The following SLCO5A1 variants were observed in gnomAD, a reference collection of about 807,000 sequenced individuals.
SLCO5A1 encodes organic anion transporter polypeptide-related protein 4.
A neutral mutation model predicts 65.1 loss-of-function variants in SLCO5A1; 39 were observed. The ratio of observed to expected loss-of-function variants is 0.60; its 90% CI spans 0.46 to 0.78. The LOEUF (loss-of-function observed/expected upper bound fraction) is 0.78. Ranked by LOEUF, SLCO5A1 falls within the 30% of genes least tolerant of loss-of-function variation. SLCO5A1 has a pLI of 0.00. For missense variants in SLCO5A1, 1,029 were observed against 1,069.4 expected (o/e 0.96, Z 0.53); for synonymous variants, 438 against 415.7 (o/e 1.05, Z -0.65).
At chr8:69,708,609 A>G (rs1423355808) in intron 5 of SLCO5A1, among the ~76,000 whole-genome samples, 1 of 152,032 alleles carries the variant, frequency 6.6e-6, no homozygotes, top group African/African-American at 2.4e-5. Flanking sequence ...GTGCCATAGA[A>G]AACCAAGGAG....
chr8:69,719,330 C>G (rs1815708924), intron 5 of SLCO5A1, among the ~76,000 whole-genome samples: 1 of 152,154 alleles, frequency 6.6e-6, no homozygotes, highest in Admixed American at 6.5e-5. Flanking sequence ...ATAAGTTTTA[C>G]AAGCGCAAAC....
chr8:69,685,409 C>G (rs963950705), intron 6 of SLCO5A1, among the ~76,000 whole-genome samples: 1 of 152,174 alleles, frequency 6.6e-6, no homozygotes, highest in Middle Eastern at 3.2e-3. Context: ...TGCCCTCATC[C>G]TTGTGCAAAA....
At chr8:69,711,516 G>A (rs528756197) in intron 5 of SLCO5A1, among the ~76,000 whole-genome samples, 13 of 152,332 alleles carry the variant, frequency 8.5e-5, no homozygotes, top group African/African-American at 3.1e-4. Context: ...GGCAAGGGGG[G>A]CAGAGCGTGG....
chr8:69,730,712 C>A (rs930164302), intron 5 of SLCO5A1, among the ~76,000 whole-genome samples: 1 of 152,162 alleles, frequency 6.6e-6, no homozygotes, highest in African/African-American at 2.4e-5. Flanking sequence ...ACCAGCTTGT[C>A]AGCATTGTTT....
intron 2 of SLCO5A1, among the ~76,000 whole-genome samples, chr8:69,773,727 AT>A (rs1431764555): frequency 6.6e-6 from 1 of 152,192 alleles, no homozygotes; most frequent in African/African-American, 2.4e-5. Context: ...CACAGTCCTG[AT>A]AGCCTGTCAT....
chr8:69,832,782 G>T lies in SLCO5A1; in HGVS notation c.-109C>A, dbSNP rs1821230955. 3.8e-6 allele frequency: 5 copies of T among 1,330,502 alleles called. No individual in the cohort carries two copies. The highest frequency in any genetic ancestry group is 5.0e-5 in the East Asian group (2 of 40,144). 82.4% of individuals were successfully genotyped at this position (1,330,502 alleles called of 1,614,324 possible). ...GGCCCAGTCAGTCTTGCCCACCTGG[G>T]ACTGGGGCTGGGGGCGCAGGGCCGC... is the stretch of plus-strand genomic sequence containing the variant. On this transcript the variant is annotated 5_prime_UTR_variant, in exon 2 of 10. Transcript: ENST00000260126. This position sits in a 1 kb window ranked among gnomAD's most constrained non-coding sequence, Gnocchi z 4.5.
At position 69,832,688 on chromosome 8, in the gene SLCO5A1, A is replaced by C. The variant is rs1291293995; in HGVS notation, c.-15T>G. 1 of 1,576,748 alleles carries C rather than the reference A, an allele frequency of 6.3e-7. No individual in the cohort carries two copies. The highest frequency in any genetic ancestry group is 2.2e-5 in the East Asian group (1 of 44,738). On this transcript the variant is annotated 5_prime_UTR_variant, in exon 2 of 10. Transcript: ENST00000260126. This position sits in a 1 kb window ranked among gnomAD's most constrained non-coding sequence, Gnocchi z 4.5. ...CCTTCGTCCATGGCGCTTAGAATTC[A>C]GATTTGATAGCTGATGGCACCCAAG...
At chr8:69,734,344 T>C (rs1816464808) in intron 5 of SLCO5A1, among the ~76,000 whole-genome samples, 1 of 152,174 alleles carries the variant, frequency 6.6e-6, no homozygotes, top group Non-Finnish European at 1.5e-5. Flanking sequence ...ACACCTTTTC[T>C]CCAAACTCCA....
intron 7 of SLCO5A1, 130 bp from the exon 8 acceptor site, chr8:69,679,749 T>C (rs917271013): frequency 1.7e-5 from 22 of 1,277,344 alleles, no homozygotes; most frequent in Non-Finnish European, 2.4e-5. Flanking sequence ...AAATATTTCA[T>C]TGAAAGTACC....
At chr8:69,796,318 A>T (rs1407341864) in intron 2 of SLCO5A1, among the ~76,000 whole-genome samples, 1 of 151,774 alleles carries the variant, frequency 6.6e-6, no homozygotes, top group Non-Finnish European at 1.5e-5. Flanking sequence ...TTCCTTTTTA[A>T]ATATAAATTC....
chr8:69,678,424 A>T (rs913599905), intron 8 of SLCO5A1, among the ~76,000 whole-genome samples: 1 of 152,228 alleles, frequency 6.6e-6, no homozygotes, highest in Non-Finnish European at 1.5e-5. Context: ...AGGCTCCAGA[A>T]GAAGGTCTTC....
intron 6 of SLCO5A1, among the ~76,000 whole-genome samples, chr8:69,683,385 G>A (rs1438166872): frequency 4.6e-5 from 7 of 152,140 alleles, no homozygotes; most frequent in Non-Finnish European, 8.8e-5. Flanking sequence ...TGTCTGTTAC[G>A]TACCAGGTCT....
chr8:69,761,226 C>T (rs1474689549), intron 3 of SLCO5A1: 1 of 157,698 alleles, frequency 6.3e-6, no homozygotes. Flanking sequence ...CCACACACTT[C>T]GTGGCTTCAG....
At chr8:69,703,369 T>C (rs76622993) in intron 6 of SLCO5A1, among the ~76,000 whole-genome samples, 1,945 of 152,194 alleles carry the variant, frequency 0.013, 20 homozygotes, top group Non-Finnish European at 0.018. Context: ...AAGTTATTTA[T>C]TGCAGCATTG....
chr8:69,751,055 C>T (rs1462843585), intron 4 of SLCO5A1, among the ~76,000 whole-genome samples: 4 of 152,150 alleles, frequency 2.6e-5, no homozygotes, highest in African/African-American at 9.7e-5. Flanking sequence ...CTCTAACAGA[C>T]AAAATCCTAG....
intron 9 of SLCO5A1, among the ~76,000 whole-genome samples, chr8:69,674,187 A>G (rs963176508): frequency 6.6e-6 from 1 of 152,230 alleles, no homozygotes; most frequent in African/African-American, 2.4e-5. Flanking sequence ...ACTATCACAT[A>G]GCATTTTAAA....
At chr8:69,690,360 G>A (rs2933070) in intron 6 of SLCO5A1, among the ~76,000 whole-genome samples, 12,888 of 151,472 alleles carry the variant, frequency 0.085, 640 homozygotes, top group South Asian at 0.17. Flanking sequence ...ATCACATCGC[G>A]TCAACACCCG....
intron 3 of SLCO5A1, among the ~76,000 whole-genome samples, chr8:69,759,499 T>C (rs1418557629): frequency 2.6e-5 from 4 of 152,178 alleles, no homozygotes; most frequent in African/African-American, 9.7e-5. Context: ...TGATAATAAG[T>C]ACCATAACTA....
chr8:69,806,254 C>T (rs1291050240), intron 2 of SLCO5A1, among the ~76,000 whole-genome samples: 6 of 152,212 alleles, frequency 3.9e-5, no homozygotes, highest in Admixed American at 3.9e-4. Flanking sequence ...ACATCAATTC[C>T]TCTTAATGAT....
Sources: gnomAD v4.1 joint callset for allele counts (sites outside exome capture counted in the v4.1 genomes callset) on GRCh38, gnomAD v4.1.1 for gene constraint, Gnocchi (gnomAD v3.1) non-coding constraint, MANE v1.5 for transcripts, NCBI Gene and HGNC (gene_info 2026-07-23, HGNC 2026-07-21) for gene names.